ATXN8OS: variants seen among roughly 807,000 people sequenced by gnomAD.
The protein encoded by ATXN8OS is ATXN8 opposite strand lncRNA, also known as ATXN8 opposite strand (non-protein coding).
chr13:70,145,084 C>G (rs1249960623), intron 3 of ATXN8OS, among the ~76,000 whole-genome samples: 3 of 151,970 alleles, frequency 2.0e-5, no homozygotes, highest in African/African-American at 7.3e-5. Context: ...GACAGTTTTC[C>G]CAGCACCATT....
At chr13:70,107,654 G>T, upstream of ATXN8OS, 3 of 1,545,166 alleles carry the variant, frequency 1.9e-6, no homozygotes, top group Non-Finnish European at 2.6e-6. Flanking sequence ...CAGCGGAGTC[G>T]CAGAATGTGC....
intron 2 of ATXN8OS, among the ~76,000 whole-genome samples, chr13:70,123,307 A>G (rs947740854): frequency 6.6e-6 from 1 of 152,136 alleles, no homozygotes; most frequent in Non-Finnish European, 1.5e-5. Flanking sequence ...GCAATTTTAG[A>G]TTATTACATT....
At chr13:70,118,977 C>T (rs889277283) in intron 2 of ATXN8OS, among the ~76,000 whole-genome samples, 2 of 151,902 alleles carry the variant, frequency 1.3e-5, no homozygotes, top group East Asian at 3.9e-4. Context: ...TATGTCAAGC[C>T]ATGGAAAGCT....
intron 3 of ATXN8OS, among the ~76,000 whole-genome samples, chr13:70,132,061 G>A (rs1209603008): frequency 6.6e-6 from 1 of 152,038 alleles, no homozygotes; most frequent in Non-Finnish European, 1.5e-5. Flanking sequence ...TTACTTTCCA[G>A]ATATTTAAAT....
chr13:70,150,695 T>G (rs1290712765), intron 4 of ATXN8OS, among the ~76,000 whole-genome samples: 1 of 152,094 alleles, frequency 6.6e-6, no homozygotes, highest in Non-Finnish European at 1.5e-5. Flanking sequence ...AATTACTGAC[T>G]CCTCTAGGAA....
intron 2 of ATXN8OS, among the ~76,000 whole-genome samples, chr13:70,116,158 TA>T (rs5804476): frequency 0.81 from 119,064 of 147,340 alleles, 48,103 homozygotes; most frequent in Middle Eastern, 0.9. Flanking sequence ...GTGTATCAGT[TA>T]AAAAAAAAAA....
chr13:70,120,594 G>C (rs1390990323), intron 2 of ATXN8OS, among the ~76,000 whole-genome samples: 1 of 152,064 alleles, frequency 6.6e-6, no homozygotes, highest in Non-Finnish European at 1.5e-5. Context: ...ACTTTATTTA[G>C]TGAGAAAAAC....
intron 4 of ATXN8OS, among the ~76,000 whole-genome samples, chr13:70,155,792 T>TAA (rs1888928098): frequency 7.5e-6 from 1 of 133,386 alleles, no homozygotes; most frequent in African/African-American, 3.2e-5. Flanking sequence ...TTGCCAAAAC[T>TAA]GAGACAAAAA....
chr13:70,155,757 A>G (rs1479653378), intron 4 of ATXN8OS, among the ~76,000 whole-genome samples: 1 of 147,796 alleles, frequency 6.8e-6, no homozygotes, highest in East Asian at 2.0e-4. Flanking sequence ...ATCTGAGGAT[A>G]CTTTACAATA....
chr13:70,170,995 T>TA (rs1889138669), exon 5 of ATXN8OS, among the ~76,000 whole-genome samples: 1 of 152,042 alleles, frequency 6.6e-6, no homozygotes, highest in East Asian at 1.9e-4. Flanking sequence ...ATATAAAAGA[T>TA]AAAAAATGGT....
chr13:70,147,557 G>A (rs1021489311), intron 4 of ATXN8OS, among the ~76,000 whole-genome samples: 1 of 152,200 alleles, frequency 6.6e-6, no homozygotes, highest in East Asian at 1.9e-4. Context: ...GAGAAAAGAA[G>A]TATATATGGT....
chr13:70,153,014 C>CTGTGTGTGTGTGTGTGTGTGTG (rs66574752), intron 4 of ATXN8OS, among the ~76,000 whole-genome samples: 3 of 141,708 alleles, frequency 2.1e-5, no homozygotes, highest in Non-Finnish European at 4.6e-5. Context: ...TAAGAAAAAA[C>CTGTGTGTGTGTGTGTGTGTGTG]TGTGTGTGTG....
chr13:70,132,505 T>C (rs1252027969), intron 3 of ATXN8OS, among the ~76,000 whole-genome samples: 2 of 151,862 alleles, frequency 1.3e-5, no homozygotes, highest in Non-Finnish European at 2.9e-5. Flanking sequence ...AAACTAACTC[T>C]TGGGTACTAC....
Position 70,139,395 on chromosome 13 carries a change from G to A in ATXN8OS, n.500-7960G>A, listed in dbSNP as rs902228975. ...TACTACTACTACTACTGCTGCTGCTGCTGCTGCTGCTGCTGCTGCTGCTGC... is the reference window on the plus strand; with the variant it reads ...TACTACTACTACTACTGCTGCTGCTACTGCTGCTGCTGCTGCTGCTGCTGC... On this transcript the variant is annotated intron_variant and non_coding_transcript_variant, in intron 3 of 4. Transcript: ENST00000678624. 1,760 of 552,738 alleles carry A rather than the reference G, an allele frequency of 3.2e-3. 3 individuals are homozygous for A. The highest frequency in any genetic ancestry group is 0.014 in the African/African-American group (466 of 34,088). 34.2% of individuals were successfully genotyped at this position (552,738 alleles called of 1,614,324 possible). A position where few individuals can be genotyped will look rare whatever the true frequency, so the allele number is the denominator to read the frequency against.
chr13:70,113,454 G>A (rs746523570), intron 1 of ATXN8OS, among the ~76,000 whole-genome samples: 1 of 151,962 alleles, frequency 6.6e-6, no homozygotes, highest in Non-Finnish European at 1.5e-5. Context: ...TTTACAAAGG[G>A]TTAAGATTTC....
chr13:70,111,774 C>T (rs566515954), intron 1 of ATXN8OS, among the ~76,000 whole-genome samples: 4 of 152,148 alleles, frequency 2.6e-5, no homozygotes, highest in African/African-American at 7.2e-5. Flanking sequence ...TTTGGCAGGC[C>T]TTCTGCAATG....
intron 1 of ATXN8OS, among the ~76,000 whole-genome samples, chr13:70,111,117 T>C (rs1593753766): frequency 6.6e-6 from 1 of 152,198 alleles, no homozygotes; most frequent in Non-Finnish European, 1.5e-5. Flanking sequence ...AGAAAATCTG[T>C]AGAATGCTCA....
intron 3 of ATXN8OS, among the ~76,000 whole-genome samples, chr13:70,137,514 C>T (rs1313677090): frequency 6.6e-6 from 1 of 152,102 alleles, no homozygotes; most frequent in Non-Finnish European, 1.5e-5. Context: ...TTTCATCTGA[C>T]AAAATGGAAA....
intron 2 of ATXN8OS, among the ~76,000 whole-genome samples, chr13:70,120,856 G>A (rs1363314656): frequency 1.3e-5 from 2 of 150,486 alleles, no homozygotes; most frequent in African/African-American, 4.9e-5. Flanking sequence ...TCACTCATAG[G>A]TGGGAACTGA....
Sources: allele counts gnomAD v4.1 joint callset (sites outside exome capture counted in the v4.1 genomes callset), GRCh38; gene constraint gnomAD v4.1.1; transcripts MANE v1.5; gene names NCBI Gene and HGNC (gene_info 2026-07-23, HGNC 2026-07-21).